Variants in KPNA7 observed in about 807,000 individuals in gnomAD.
KPNA7 encodes the protein karyopherin subunit alpha 7, also known as importin subunit alpha-8.
In KPNA7, 54 loss-of-function variants were observed where a neutral mutation model predicts 53.7. That is an observed-to-expected ratio of 1.01 (90% CI 0.81 to 1.26). The LOEUF (loss-of-function observed/expected upper bound fraction) is 1.26. KPNA7 is among the 50% of genes most tolerant of loss of function. KPNA7 has a pLI of 0.00. For missense variants in KPNA7, 640 were observed against 644.5 expected (o/e 0.99, Z 0.07); for synonymous variants, 276 against 259.3 (o/e 1.06, Z -0.62).
chr7:99,161,437 AGTCTT>A, the KPNA7 span, among the ~76,000 whole-genome samples: 1 of 152,176 alleles, frequency 6.6e-6, no homozygotes, highest in Non-Finnish European at 1.5e-5. Context: ...CTCCCAGTTG[AGTCTT>A]CAAATGAGAC....
intron 6 of KPNA7, among the ~76,000 whole-genome samples, chr7:99,190,641 A>C (rs1255873199): frequency 6.6e-6 from 1 of 150,784 alleles, no homozygotes; most frequent in Non-Finnish European, 1.5e-5. Context: ...GTGTGGCTGC[A>C]TGCCAGTAAA....
the KPNA7 span, among the ~76,000 whole-genome samples, chr7:99,158,974 C>T: frequency 0.67 from 101,410 of 151,610 alleles, 35,052 homozygotes; most frequent in East Asian, 0.9. Flanking sequence ...AAGCGATTTT[C>T]CTGTCTCAGC....
At chr7:99,193,705 TCTCA>T (rs1790081939) in intron 5 of KPNA7, among the ~76,000 whole-genome samples, 1 of 151,470 alleles carries the variant, frequency 6.6e-6, no homozygotes, top group Admixed American at 6.6e-5. Context: ...GGATACAGGA[TCTCA>T]CTCTATTGCC....
intron 7 of KPNA7, among the ~76,000 whole-genome samples, chr7:99,186,991 T>C (rs765906451): frequency 5.3e-5 from 8 of 152,062 alleles, no homozygotes; most frequent in Non-Finnish European, 1.2e-4. Context: ...ACATGTTTAA[T>C]AACATAGCAA....
At chr7:99,160,285 C>T in the KPNA7 span, among the ~76,000 whole-genome samples, 2 of 152,126 alleles carry the variant, frequency 1.3e-5, no homozygotes, top group African/African-American at 4.8e-5. Flanking sequence ...CTCGGCCTCC[C>T]AAAGTGCTGG....
intron 7 of KPNA7, among the ~76,000 whole-genome samples, chr7:99,187,824 A>T (rs1297080303): frequency 7.1e-5 from 10 of 140,320 alleles, no homozygotes; most frequent in South Asian, 4.6e-4. Context: ...AAAAAAAAAA[A>T]AAAAAAAAAA....
the KPNA7 span, among the ~76,000 whole-genome samples, chr7:99,167,833 AG>A: frequency 2.0e-5 from 3 of 151,812 alleles, no homozygotes; most frequent in Non-Finnish European, 4.4e-5. Flanking sequence ...CATCACCTCC[AG>A]ATGGGACCAC....
intron 1 of KPNA7, among the ~76,000 whole-genome samples, chr7:99,213,430 T>TAAAAA (rs61231738): frequency 5.2e-4 from 38 of 72,908 alleles, no homozygotes; most frequent in African/African-American, 1.5e-3. Flanking sequence ...CCTGGCCTTT[T>TAAAAA]AAAAAAAAAA....
Position 99,196,125 on chromosome 7 carries a change from G to A in KPNA7, c.243C>T (p.Ser81=). The change falls in exon 4 of 11, where the codon AGC becomes AGT. Residue 81 remains serine (S), a synonymous_variant. Coordinates refer to ENST00000327442, the MANE Select transcript of KPNA7 (RefSeq NM_001145715.3). ...TLGEIIKGVN[S]SDPVLCFQAT... is the part of the protein sequence containing the mutation. ...CCTGGAAACATAGGACTGGATCTGA[G>A]CTATTCACACCTTTGATTATTTCAC... The A allele has an allele frequency of 6.4e-7, 1 of 1,551,834 alleles. No individual in the cohort carries two copies. Among genetic ancestry groups the A allele is most frequent in the Non-Finnish European group, 8.7e-7 (1 of 1,147,006 alleles).
chr7:99,151,229 C>G, the KPNA7 span, among the ~76,000 whole-genome samples: 1 of 152,076 alleles, frequency 6.6e-6, no homozygotes, highest in East Asian at 1.9e-4. Context: ...GTGTGTCTGT[C>G]TGTTTAGCCT....
downstream of KPNA7, among the ~76,000 whole-genome samples, chr7:99,172,933 G>A (rs1161173178): frequency 6.6e-6 from 1 of 151,740 alleles, no homozygotes; most frequent in East Asian, 2.0e-4. Flanking sequence ...CATGGTGGCA[G>A]GCACCTATAG....
At chr7:99,205,017 C>T (rs538068465) in intron 2 of KPNA7, among the ~76,000 whole-genome samples, 2 of 152,216 alleles carry the variant, frequency 1.3e-5, no homozygotes, top group South Asian at 4.1e-4. Context: ...CTTTGGCAGG[C>T]CCTTCCTGTT....
intron 9 of KPNA7, 72 bp from the exon 10 acceptor site, chr7:99,178,138 C>G: frequency 2.1e-6 from 3 of 1,398,058 alleles, no homozygotes; most frequent in Non-Finnish European, 2.9e-6. Flanking sequence ...TGTCAGCCCT[C>G]AAGGGAGCTG....
chr7:99,207,649 T>G (rs1790888341), intron 1 of KPNA7, 160 bp from the exon 2 acceptor site: 1 of 384,378 alleles, frequency 2.6e-6, no homozygotes, highest in African/African-American at 2.9e-5. Context: ...TTTTTTTTTT[T>G]TTTTGAGACA....
intron 1 of KPNA7, among the ~76,000 whole-genome samples, chr7:99,213,733 C>T (rs2150788517): frequency 6.6e-6 from 1 of 152,154 alleles, no homozygotes; most frequent in Non-Finnish European, 1.5e-5. Flanking sequence ...ACCTCAGCCC[C>T]CCAAGTAGCT....
At chr7:99,155,452 C>T in the KPNA7 span, among the ~76,000 whole-genome samples, 1 of 152,220 alleles carries the variant, frequency 6.6e-6, no homozygotes, top group East Asian at 1.9e-4. Flanking sequence ...GTCAAAATCA[C>T]ACCACATTTC....
chr7:99,168,657 T>A (rs545949662), downstream of KPNA7, among the ~76,000 whole-genome samples: 7 of 152,198 alleles, frequency 4.6e-5, no homozygotes, highest in African/African-American at 1.7e-4. Flanking sequence ...GACTGCCCCA[T>A]CCAGCTAATT....
chr7:99,163,359 G>GTGTGTATATATA, the KPNA7 span, among the ~76,000 whole-genome samples: 5 of 66,412 alleles, frequency 7.5e-5, no homozygotes, highest in African/African-American at 3.0e-4. Context: ...ATGAGTGTGT[G>GTGTGTATATATA]TATATATATA....
intron 2 of KPNA7, among the ~76,000 whole-genome samples, chr7:99,206,822 G>A (rs1240485680): frequency 6.6e-6 from 1 of 152,078 alleles, no homozygotes; most frequent in African/African-American, 2.4e-5. Flanking sequence ...TTAAATAATT[G>A]CAAGATTCCA....
Sources: allele counts gnomAD v4.1 joint callset (sites outside exome capture counted in the v4.1 genomes callset), GRCh38; gene constraint gnomAD v4.1.1; transcripts MANE v1.5; gene names NCBI Gene and HGNC (gene_info 2026-07-23, HGNC 2026-07-21).